GPR158: variants seen among roughly 807,000 people sequenced by gnomAD.
The protein encoded by GPR158 is G protein-coupled receptor 158, also known as metabotropic glycine receptor.
A neutral mutation model predicts 78.2 loss-of-function variants in GPR158; 30 were observed. That is an observed-to-expected ratio of 0.38 (90% CI 0.29 to 0.52). The LOEUF is 0.52. GPR158 is among the 20% of genes least tolerant of loss of function. The pLI is 0.83. For synonymous variants in GPR158, 581 were observed against 591.1 expected, an observed-to-expected ratio of 0.98 and a Z score of 0.25; for missense variants, 1,463 against 1,523.5, an observed-to-expected ratio of 0.96 and a Z score of 0.66.
intron 1 of GPR158, among the ~76,000 whole-genome samples, chr10:25,180,827 G>A (rs1852602466): frequency 6.6e-6 from 1 of 150,674 alleles, no homozygotes; most frequent in Non-Finnish European, 1.5e-5. Flanking sequence ...TGCAGAGGAA[G>A]AGGAAACCAA....
At chr10:25,512,200 T>C (rs1235373119) in intron 5 of GPR158, among the ~76,000 whole-genome samples, 1 of 152,188 alleles carries the variant, frequency 6.6e-6, no homozygotes, top group Non-Finnish European at 1.5e-5. Context: ...GTGTTGAGTA[T>C]AATTTTTTTC....
intron 1 of GPR158, among the ~76,000 whole-genome samples, chr10:25,219,781 A>G (rs1853273361): frequency 6.6e-6 from 1 of 152,240 alleles, no homozygotes; most frequent in African/African-American, 2.4e-5. Flanking sequence ...GTTTAAAAGG[A>G]GAAAAGAGAT....
At chr10:25,433,570 T>TGTGTGC (rs1554803626) in intron 4 of GPR158, among the ~76,000 whole-genome samples, 13,983 of 128,386 alleles carry the variant, frequency 0.11, 808 homozygotes, top group East Asian at 0.15. Context: ...TGTGTGTGTG[T>TGTGTGC]GCGCGCGCGC....
intron 2 of GPR158, among the ~76,000 whole-genome samples, chr10:25,269,422 G>A (rs1158521657): frequency 6.6e-6 from 1 of 152,148 alleles, no homozygotes; most frequent in East Asian, 1.9e-4. Context: ...TTAATCCTAT[G>A]TTAGTTGCCT....
chr10:25,455,690 CAT>C (rs1205243704), intron 4 of GPR158, among the ~76,000 whole-genome samples: 1 of 152,066 alleles, frequency 6.6e-6, no homozygotes, highest in Non-Finnish European at 1.5e-5. Context: ...GTTACTTACT[CAT>C]GTTCATGATA....
chr10:25,244,102 T>C (rs959837949), intron 2 of GPR158: 2 of 152,166 alleles, frequency 1.3e-5, no homozygotes, highest in Non-Finnish European at 2.9e-5. Context: ...ATCTTTTCTA[T>C]ACACATGTTT....
chr10:25,380,198 T>C (rs752185542), intron 2 of GPR158, among the ~76,000 whole-genome samples: 3 of 152,134 alleles, frequency 2.0e-5, no homozygotes, highest in Non-Finnish European at 2.9e-5. Context: ...AAGAAATAGA[T>C]TGTCACAAGT....
At chr10:25,450,816 TA>T (rs905212631) in intron 4 of GPR158, among the ~76,000 whole-genome samples, 4 of 152,178 alleles carry the variant, frequency 2.6e-5, no homozygotes, top group African/African-American at 9.7e-5. Context: ...AAGCAGAAAG[TA>T]AAAGCTCCTC....
intron 4 of GPR158, among the ~76,000 whole-genome samples, chr10:25,421,935 A>G (rs547681869): frequency 1.3e-5 from 2 of 152,220 alleles, no homozygotes; most frequent in South Asian, 2.1e-4. Flanking sequence ...GGGACTTTCT[A>G]TATGTTTATT....
chr10:25,295,395 A>G (rs1472908748), intron 2 of GPR158, among the ~76,000 whole-genome samples: 1 of 151,758 alleles, frequency 6.6e-6, no homozygotes, highest in Non-Finnish European at 1.5e-5. Flanking sequence ...TCTCCTGCTC[A>G]AAACAGGGAA....
chr10:25,314,273 G>A (rs1854812768), intron 2 of GPR158, among the ~76,000 whole-genome samples: 1 of 152,010 alleles, frequency 6.6e-6, no homozygotes, highest in African/African-American at 2.4e-5. Flanking sequence ...GCTAATTTTT[G>A]TATTTTTAAT....
intron 5 of GPR158, among the ~76,000 whole-genome samples, chr10:25,498,047 C>T (rs1213213900): frequency 6.6e-6 from 1 of 152,096 alleles, no homozygotes; most frequent in Non-Finnish European, 1.5e-5. Flanking sequence ...GTATGAGGAG[C>T]AGAAAGAGAA....
intron 1 of GPR158, among the ~76,000 whole-genome samples, chr10:25,219,985 TTG>T (rs1310188294): frequency 6.6e-6 from 1 of 152,210 alleles, no homozygotes. Flanking sequence ...GTGGGATTCT[TTG>T]TAGCTACAGG....
intron 5 of GPR158, among the ~76,000 whole-genome samples, chr10:25,480,459 G>A (rs1835651366): frequency 6.6e-6 from 1 of 152,122 alleles, no homozygotes; most frequent in Non-Finnish European, 1.5e-5. Flanking sequence ...ATCATCCCAA[G>A]CTAAAACTCT....
chr10:25,388,005 G>A (rs1056784706), intron 2 of GPR158, among the ~76,000 whole-genome samples: 2 of 152,102 alleles, frequency 1.3e-5, no homozygotes, highest in Admixed American at 1.3e-4. Context: ...TTGATAGCGT[G>A]TATGTTTCTA....
At chr10:25,566,599 T>C (rs564284270) in intron 6 of GPR158, among the ~76,000 whole-genome samples, 80 of 152,310 alleles carry the variant, frequency 5.3e-4, no homozygotes, top group Admixed American at 1.7e-3. Context: ...TGAGAACTCA[T>C]GCAGCTCACA....
chr10:25,351,702 T>G (rs972092801), intron 2 of GPR158, among the ~76,000 whole-genome samples: 1 of 135,232 alleles, frequency 7.4e-6, no homozygotes, highest in Non-Finnish European at 1.5e-5. Context: ...GCAATAGTGT[T>G]TTTCTTTCTT....
At chr10:25,552,411 G>T (rs1836738190) in intron 6 of GPR158, among the ~76,000 whole-genome samples, 1 of 152,158 alleles carries the variant, frequency 6.6e-6, no homozygotes, top group South Asian at 2.1e-4. Context: ...AGCCCATGTG[G>T]ACAATAAGCC....
At chr10:25,240,582 T>C (rs1188424254) in intron 2 of GPR158, among the ~76,000 whole-genome samples, 1 of 152,148 alleles carries the variant, frequency 6.6e-6, no homozygotes, top group Non-Finnish European at 1.5e-5. Context: ...TTAGAAATGA[T>C]AAGGAAAGGT....
Sources: allele counts gnomAD v4.1 joint callset (sites outside exome capture counted in the v4.1 genomes callset), GRCh38; gene constraint gnomAD v4.1.1; transcripts MANE v1.5; gene names NCBI Gene and HGNC (gene_info 2026-07-23, HGNC 2026-07-21).